The following MTRFR variants were observed in gnomAD, a reference collection of about 807,000 sequenced individuals.
MTRFR encodes the protein probable peptide chain release factor C12orf65, mitochondrial.
A neutral mutation model predicts 11.9 loss-of-function variants in MTRFR; 10 were observed. The ratio of observed to expected loss-of-function variants is 0.84; its 90% CI spans 0.52 to 1.42. The LOEUF is 1.42. MTRFR is among the 40% of genes most tolerant of loss of function. MTRFR has a pLI of 0.00. For synonymous variants in MTRFR, 77 were observed against 79.1 expected (o/e 0.97, Z 0.14); for missense variants, 196 against 197.9 (o/e 0.99, Z 0.06).
Position 123,236,677 on chromosome 12 carries a change from T to C in MTRFR, c.-29+3146T>C, listed in dbSNP as rs75375467. Reference sequence around the variant, plus strand: ...ACACAAGGCATCGTTAATAGAAATATAGGCTTTGAGACTTTTGGAAGAAAA... The same window carrying C: ...ACACAAGGCATCGTTAATAGAAATACAGGCTTTGAGACTTTTGGAAGAAAA... On this transcript the variant is annotated intron_variant, in intron 1 of 2. Coordinates refer to ENST00000253233, the MANE Select transcript of MTRFR (RefSeq NM_152269.5). 3.8e-3 allele frequency among the ~76,000 whole-genome samples: 582 copies of C among 152,262 alleles called. 5 individuals are homozygous for C. In the South Asian group the frequency reaches 0.04, roughly 11 times the overall value.
At chr12:123,236,251 T>C (rs918918161) in intron 1 of MTRFR, among the ~76,000 whole-genome samples, 2 of 152,154 alleles carry the variant, frequency 1.3e-5, no homozygotes, top group Non-Finnish European at 2.9e-5. Flanking sequence ...AATCAGGAAG[T>C]GTGCATCTCT....
chr12:123,235,605 C>G (rs1294321425), intron 1 of MTRFR, among the ~76,000 whole-genome samples: 5 of 151,290 alleles, frequency 3.3e-5, no homozygotes, highest in Admixed American at 6.6e-5. Flanking sequence ...ATCTCCTGAC[C>G]TCATGATCCA....
At chr12:123,256,667 G>A in intron 2 of MTRFR, 146 bp from the exon 3 acceptor site, 2 of 696,918 alleles carry the variant, frequency 2.9e-6, no homozygotes, top group South Asian at 3.4e-5. Context: ...TTGCACTCTA[G>A]CCTGGATGAC....
intron 1 of MTRFR, chr12:123,249,508 G>A (rs11531106): frequency 0.065 from 9,880 of 152,764 alleles, 376 homozygotes; most frequent in South Asian, 0.12. Flanking sequence ...AGCACAGCCC[G>A]GGTGAGCTGG....
intron 1 of MTRFR, chr12:123,249,600 G>A (rs1431604537): frequency 3.3e-5 from 5 of 153,536 alleles, no homozygotes; most frequent in Admixed American, 6.5e-5. Context: ...GGCGGCACCA[G>A]CCGGCCACTC....
intron 2 of MTRFR, chr12:123,254,268 T>C: frequency 2.7e-6 from 1 of 365,426 alleles, no homozygotes; most frequent in Non-Finnish European, 5.1e-6. Flanking sequence ...AGCAACGTCT[T>C]GACAAAGCTA....
intron 2 of MTRFR, 71 bp downstream of exon 2, chr12:123,254,027 A>T (rs2048152022): frequency 6.3e-7 from 1 of 1,576,130 alleles, no homozygotes; most frequent in East Asian, 2.3e-5. Context: ...GATTTCTCCC[A>T]AGTGTGAATG....
chr12:123,256,014 G>A (rs1266103377), intron 2 of MTRFR, among the ~76,000 whole-genome samples: 2 of 152,020 alleles, frequency 1.3e-5, no homozygotes, highest in African/African-American at 2.4e-5. Context: ...TGATCCTCCC[G>A]TTTCAGCCCC....
chr12:123,247,467 C>T (rs916723575), intron 1 of MTRFR, among the ~76,000 whole-genome samples: 7 of 152,116 alleles, frequency 4.6e-5, no homozygotes, highest in African/African-American at 9.7e-5. Flanking sequence ...AGAATAGCTA[C>T]CCCTGCTTGT....
chr12:123,243,234 A>AT (rs2047971494), intron 1 of MTRFR, among the ~76,000 whole-genome samples: 1 of 142,914 alleles, frequency 7.0e-6, no homozygotes, highest in African/African-American at 2.6e-5. Context: ...CTTTTAAAAC[A>AT]ATTTTTTTTT....
chr12:123,240,727 C>CTTTTTTTTTTTTTTT (rs62837760), intron 1 of MTRFR: 1 of 102,104 alleles, frequency 9.8e-6, no homozygotes. Context: ...TTTTATTGAC[C>CTTTTTTTTTTTTTTT]TTTTTTTTTT....
At chr12:123,234,086 G>A (rs2138729097) in intron 1 of MTRFR, among the ~76,000 whole-genome samples, 1 of 152,244 alleles carries the variant, frequency 6.6e-6, no homozygotes, top group Admixed American at 6.5e-5. Flanking sequence ...ACAGGCGCAA[G>A]CCACCCAGCC....
intron 1 of MTRFR, among the ~76,000 whole-genome samples, chr12:123,237,205 C>T (rs1199563160): frequency 6.6e-6 from 1 of 152,020 alleles, no homozygotes; most frequent in East Asian, 1.9e-4. Context: ...GCCTGTAATC[C>T]CAGGACTACG....
chr12:123,242,903 A>G (rs1377756780), intron 1 of MTRFR, among the ~76,000 whole-genome samples: 1 of 152,210 alleles, frequency 6.6e-6, no homozygotes. Flanking sequence ...TGCGGGGCTC[A>G]TGTTCCATAA....
At chr12:123,241,999 C>G (rs184470688) in intron 1 of MTRFR, among the ~76,000 whole-genome samples, 2 of 152,342 alleles carry the variant, frequency 1.3e-5, no homozygotes, top group East Asian at 3.9e-4. Context: ...TCAGCTATCA[C>G]ATGTATCCTG....
At chr12:123,255,185 T>G (rs576892499) in intron 2 of MTRFR, among the ~76,000 whole-genome samples, 3 of 152,100 alleles carry the variant, frequency 2.0e-5, no homozygotes, top group Admixed American at 6.6e-5. Flanking sequence ...ATCTGGGACA[T>G]AGAGAGGCTA....
chr12:123,244,244 C>T (rs2047998648), intron 1 of MTRFR, among the ~76,000 whole-genome samples: 1 of 152,104 alleles, frequency 6.6e-6, no homozygotes, highest in Non-Finnish European at 1.5e-5. Context: ...ACCAGCCTGA[C>T]CAACATGGAG....
intron 1 of MTRFR, among the ~76,000 whole-genome samples, chr12:123,252,849 T>C (rs2048130425): frequency 6.6e-6 from 1 of 150,684 alleles, no homozygotes; most frequent in Non-Finnish European, 1.5e-5. Flanking sequence ...CACTTGAACC[T>C]GGGAGGCGGA....
chr12:123,242,207 C>A (rs1490192855), intron 1 of MTRFR, among the ~76,000 whole-genome samples: 1 of 152,074 alleles, frequency 6.6e-6, no homozygotes, highest in Non-Finnish European at 1.5e-5. Flanking sequence ...ACCTTAACTG[C>A]GATCAGCCAT....
Sources: gnomAD v4.1 joint callset for allele counts (sites outside exome capture counted in the v4.1 genomes callset) on GRCh38, gnomAD v4.1.1 for gene constraint, MANE v1.5 for transcripts, NCBI Gene and HGNC (gene_info 2026-07-23, HGNC 2026-07-21) for gene names.